Variants in LDLRAD3 observed in about 807,000 individuals in gnomAD.
LDLRAD3 encodes low-density lipoprotein receptor class A domain-containing protein 3.
Under a neutral mutation model 29.4 loss-of-function variants are expected in LDLRAD3, and 20 were observed. That is an observed-to-expected ratio of 0.68 (90% CI 0.48 to 0.99). LDLRAD3 has a LOEUF of 0.99. Ranked by LOEUF, LDLRAD3 falls within the 50% of genes least tolerant of loss-of-function variation. LDLRAD3 has a pLI of 0.00. For missense variants in LDLRAD3, 420 were observed against 454.3 expected, an observed-to-expected ratio of 0.92 and a Z score of 0.69; for synonymous variants, 157 against 192.7, an observed-to-expected ratio of 0.81 and a Z score of 1.53.
chr11:36,203,794 G>C (rs988855905), intron 4 of LDLRAD3, among the ~76,000 whole-genome samples: 3 of 152,074 alleles, frequency 2.0e-5, no homozygotes, highest in African/African-American at 7.2e-5. Flanking sequence ...ACCCCAGAAG[G>C]CTTCTCCACC....
chr11:36,097,552 A>G lies in LDLRAD3; in HGVS notation c.320-775A>G, dbSNP rs866999395. ...GTTGACCATTTCGGGTGAGGCATTT[A>G]GCATGTCGGGGTGGAGAGTGGCAAA... On this transcript the variant is annotated intron_variant, in intron 3 of 5. Coordinates refer to ENST00000315571, the MANE Select transcript of LDLRAD3 (RefSeq NM_174902.4). Among the ~76,000 whole-genome samples the G allele has an allele frequency of 3.6e-4, 55 of 152,294 alleles. 1 individual carries two copies. Among genetic ancestry groups the G allele is most frequent in the African/African-American group, 1.3e-3 (55 of 41,566 alleles).
intron 4 of LDLRAD3, among the ~76,000 whole-genome samples, chr11:36,192,290 C>T (rs377616016): frequency 1.3e-5 from 2 of 152,196 alleles, no homozygotes; most frequent in East Asian, 1.9e-4. Flanking sequence ...TCTCTAGCCT[C>T]GCAACAGATG....
chr11:36,056,318 G>A (rs1029078580), intron 2 of LDLRAD3, among the ~76,000 whole-genome samples: 1 of 152,118 alleles, frequency 6.6e-6, no homozygotes, highest in Non-Finnish European at 1.5e-5. Flanking sequence ...AACAGCAACT[G>A]AATTTTATAT....
intron 4 of LDLRAD3, among the ~76,000 whole-genome samples, chr11:36,123,817 A>G (rs906292527): frequency 6.6e-6 from 1 of 152,200 alleles, no homozygotes; most frequent in Non-Finnish European, 1.5e-5. Flanking sequence ...CCGGACTCCT[A>G]AAGTCCGGCT....
chr11:36,176,276 A>C (rs1351694002), intron 4 of LDLRAD3, among the ~76,000 whole-genome samples: 1 of 152,024 alleles, frequency 6.6e-6, no homozygotes, highest in African/African-American at 2.4e-5. Context: ...TTCTCTTTTA[A>C]GTGGAGTACT....
At chr11:36,097,317 A>G (rs990274392) in intron 3 of LDLRAD3, among the ~76,000 whole-genome samples, 8 of 152,230 alleles carry the variant, frequency 5.3e-5, no homozygotes, top group Non-Finnish European at 1.2e-4. Flanking sequence ...GGGAACTGGA[A>G]GTATCCTACA....
intron 4 of LDLRAD3, among the ~76,000 whole-genome samples, chr11:36,223,371 G>A (rs1353908670): frequency 2.0e-5 from 3 of 152,248 alleles, no homozygotes; most frequent in East Asian, 1.9e-4. Flanking sequence ...AGAAGTCAGC[G>A]TTTTAAAATC....
intron 1 of LDLRAD3, among the ~76,000 whole-genome samples, chr11:36,003,568 G>A (rs262418): frequency 0.75 from 114,438 of 152,070 alleles, 46,674 homozygotes; most frequent in Non-Finnish European, 0.91. Context: ...CTCCAGGGAC[G>A]GAGCATCATG....
intron 1 of LDLRAD3, among the ~76,000 whole-genome samples, chr11:35,977,652 A>C (rs1327461129): frequency 6.6e-6 from 1 of 152,148 alleles, no homozygotes; most frequent in Non-Finnish European, 1.5e-5. Flanking sequence ...CTATAACAAA[A>C]AACCTTAGAC....
chr11:36,000,237 G>A (rs1590197726), intron 1 of LDLRAD3, among the ~76,000 whole-genome samples: 3 of 149,348 alleles, frequency 2.0e-5, no homozygotes, highest in East Asian at 1.9e-4. Context: ...TGTAATATAT[G>A]TATACATGCT....
At chr11:36,022,370 A>G (rs1852108913) in intron 1 of LDLRAD3, among the ~76,000 whole-genome samples, 1 of 152,068 alleles carries the variant, frequency 6.6e-6, no homozygotes, top group African/African-American at 2.4e-5. Flanking sequence ...TATGGCCACT[A>G]TTTGCATGCT....
At chr11:36,089,569 A>C (rs1459904031) in intron 3 of LDLRAD3, among the ~76,000 whole-genome samples, 1 of 152,096 alleles carries the variant, frequency 6.6e-6, no homozygotes, top group Non-Finnish European at 1.5e-5. Context: ...CTGGGATTAC[A>C]GGCGTGTGCC....
intron 4 of LDLRAD3, among the ~76,000 whole-genome samples, chr11:36,109,681 G>A (rs1565229371): frequency 6.6e-6 from 1 of 152,120 alleles, no homozygotes; most frequent in Non-Finnish European, 1.5e-5. Context: ...TACAGAAGTC[G>A]TGCAGGGCAT....
chr11:36,182,260 G>T (rs913420782), intron 4 of LDLRAD3, among the ~76,000 whole-genome samples: 1 of 152,150 alleles, frequency 6.6e-6, no homozygotes, highest in Admixed American at 6.5e-5. Flanking sequence ...AGGGTGTGAG[G>T]TTGTTTGTGA....
At chr11:36,079,481 CT>C (rs1853075635) in intron 2 of LDLRAD3, among the ~76,000 whole-genome samples, 1 of 152,166 alleles carries the variant, frequency 6.6e-6, no homozygotes, top group Non-Finnish European at 1.5e-5. Context: ...CTCACTTAAT[CT>C]TTGCTAGAGC....
chr11:36,066,939 T>G (rs1229083936), intron 2 of LDLRAD3, among the ~76,000 whole-genome samples: 1 of 152,240 alleles, frequency 6.6e-6, no homozygotes, highest in African/African-American at 2.4e-5. Context: ...TCCAGACTCC[T>G]GTCTGCCTCG....
At chr11:36,001,760 TGTGTGTGTGTG>T (rs1375432542) in intron 1 of LDLRAD3, among the ~76,000 whole-genome samples, 1 of 30,876 alleles carries the variant, frequency 3.2e-5, no homozygotes, top group African/African-American at 1.3e-3. Context: ...ATTGTATACG[TGTGTGTGTGTG>T]TGTGTGTGTG....
intron 1 of LDLRAD3, among the ~76,000 whole-genome samples, chr11:36,028,208 A>G (rs76124749): frequency 6.6e-6 from 1 of 152,186 alleles, no homozygotes; most frequent in Non-Finnish European, 1.5e-5. Flanking sequence ...GAATTTAAGA[A>G]TGTCAGAACT....
chr11:36,135,598 A>G (rs1350872784), intron 4 of LDLRAD3, among the ~76,000 whole-genome samples: 1 of 152,214 alleles, frequency 6.6e-6, no homozygotes, highest in Non-Finnish European at 1.5e-5. Context: ...AACTACTACA[A>G]GTCTTGGATG....
Sources: allele counts gnomAD v4.1 joint callset (sites outside exome capture counted in the v4.1 genomes callset), GRCh38; gene constraint gnomAD v4.1.1; transcripts MANE v1.5; gene names NCBI Gene and HGNC (gene_info 2026-07-23, HGNC 2026-07-21).